Variants in NXPH1 observed in about 807,000 individuals in gnomAD.
NXPH1 encodes the protein neurexophilin 1, also known as neurexophilin-1.
NXPH1 carries 5 observed loss-of-function variants against 23.7 expected under a neutral mutation model. The ratio of observed to expected loss-of-function variants is 0.21; its 90% CI spans 0.11 to 0.44. The LOEUF is 0.44. Ranked by LOEUF, NXPH1 falls within the 20% of genes least tolerant of loss-of-function variation. NXPH1 has a pLI of 0.99. For missense variants in NXPH1, 324 were observed against 321.6 expected, an observed-to-expected ratio of 1.01 and a Z score of -0.06; for synonymous variants, 144 against 122.2, an observed-to-expected ratio of 1.18 and a Z score of -1.18.
chr7:8,662,572 T>C (rs1236396843), intron 2 of NXPH1, among the ~76,000 whole-genome samples: 2 of 152,110 alleles, frequency 1.3e-5, no homozygotes, highest in Non-Finnish European at 1.5e-5. Context: ...TTTTTAAATT[T>C]GTGAATGAAG....
chr7:8,678,166 T>C (rs1820982441), intron 2 of NXPH1, among the ~76,000 whole-genome samples: 1 of 152,162 alleles, frequency 6.6e-6, no homozygotes, highest in South Asian at 2.1e-4. Flanking sequence ...CCTAAGTGTT[T>C]TAGGTCGCTA....
chr7:8,606,664 T>C (rs1819499835), intron 2 of NXPH1, among the ~76,000 whole-genome samples: 1 of 152,164 alleles, frequency 6.6e-6, no homozygotes, highest in Non-Finnish European at 1.5e-5. Flanking sequence ...CTCTGCCTTT[T>C]CAAAAGCTTG....
chr7:8,746,012 C>A (rs796548678), intron 2 of NXPH1, among the ~76,000 whole-genome samples: 1 of 152,164 alleles, frequency 6.6e-6, no homozygotes, highest in South Asian at 2.1e-4. Flanking sequence ...TGGAATGTTA[C>A]ACATAGTGCT....
chr7:8,438,536 C>A (rs989723397), intron 2 of NXPH1, among the ~76,000 whole-genome samples: 1 of 152,240 alleles, frequency 6.6e-6, no homozygotes, highest in South Asian at 2.1e-4. Flanking sequence ...TAGCTGATAT[C>A]TCAGTGCACC....
intron 2 of NXPH1, among the ~76,000 whole-genome samples, chr7:8,578,867 AT>A (rs1291025895): frequency 2.0e-5 from 3 of 152,216 alleles, no homozygotes; most frequent in Non-Finnish European, 2.9e-5. Flanking sequence ...GAGTTATCAA[AT>A]GGAAGAAGTG....
chr7:8,731,791 T>C (rs1780159004), intron 2 of NXPH1, among the ~76,000 whole-genome samples: 1 of 152,186 alleles, frequency 6.6e-6, no homozygotes, highest in Non-Finnish European at 1.5e-5. Flanking sequence ...CTGCTGTCTT[T>C]TTGTTTGTCT....
At chr7:8,682,924 C>T (rs1821080630) in intron 2 of NXPH1, among the ~76,000 whole-genome samples, 1 of 152,200 alleles carries the variant, frequency 6.6e-6, no homozygotes, top group Non-Finnish European at 1.5e-5. Context: ...ACAAAGAGCC[C>T]TTGATTTCAA....
chr7:8,460,130 A>T (rs1816668331), intron 2 of NXPH1, among the ~76,000 whole-genome samples: 1 of 152,172 alleles, frequency 6.6e-6, no homozygotes, highest in African/African-American at 2.4e-5. Context: ...TGTAAGGATG[A>T]TATAAATATA....
At chr7:8,681,808 C>A (rs1821053812) in intron 2 of NXPH1, among the ~76,000 whole-genome samples, 1 of 152,214 alleles carries the variant, frequency 6.6e-6, no homozygotes, top group Admixed American at 6.5e-5. Context: ...AGACATTGGC[C>A]TATCTGGCCT....
intron 2 of NXPH1, among the ~76,000 whole-genome samples, chr7:8,463,196 C>T (rs1183229299): frequency 6.6e-6 from 1 of 152,088 alleles, no homozygotes; most frequent in Non-Finnish European, 1.5e-5. Flanking sequence ...CATACTGCTC[C>T]TTTAAAACAC....
intron 2 of NXPH1, among the ~76,000 whole-genome samples, chr7:8,595,192 T>TATAA (rs145588981): frequency 0.027 from 4,033 of 151,500 alleles, 190 homozygotes; most frequent in African/African-American, 0.092. Flanking sequence ...CTTCTGCCAG[T>TATAA]ATAAATAAAT....
intron 2 of NXPH1, among the ~76,000 whole-genome samples, chr7:8,747,294 C>T (rs1780487286): frequency 1.3e-5 from 2 of 152,302 alleles, no homozygotes; most frequent in South Asian, 2.1e-4. Flanking sequence ...TAGAACTAAA[C>T]AATTTTTATT....
intron 2 of NXPH1, among the ~76,000 whole-genome samples, chr7:8,493,460 T>C (rs1271344951): frequency 6.6e-6 from 1 of 152,064 alleles, no homozygotes; most frequent in Non-Finnish European, 1.5e-5. Flanking sequence ...TCTCATACTT[T>C]GCTGGAACAT....
chr7:8,437,646 T>C (rs557239827), intron 2 of NXPH1, among the ~76,000 whole-genome samples: 1 of 152,354 alleles, frequency 6.6e-6, no homozygotes, highest in African/African-American at 2.4e-5. Context: ...TTAAATGTGT[T>C]TGTTGGCAGT....
chr7:8,515,172 A>C (rs1649055261), intron 2 of NXPH1, among the ~76,000 whole-genome samples: 1 of 152,168 alleles, frequency 6.6e-6, no homozygotes, highest in African/African-American at 2.4e-5. Flanking sequence ...AGCTGGGCTG[A>C]AAATGTTTCC....
At chr7:8,665,453 C>T (rs1046282353) in intron 2 of NXPH1, among the ~76,000 whole-genome samples, 1 of 151,856 alleles carries the variant, frequency 6.6e-6, no homozygotes, top group African/African-American at 2.4e-5. Context: ...TAGTGTGATG[C>T]CTTTAGCTTT....
chr7:8,436,457 A>G (rs1415447266), intron 2 of NXPH1, among the ~76,000 whole-genome samples: 1 of 152,168 alleles, frequency 6.6e-6, no homozygotes, highest in Non-Finnish European at 1.5e-5. Flanking sequence ...AGAGAATTCT[A>G]AACAAAGCCG....
intron 2 of NXPH1, among the ~76,000 whole-genome samples, chr7:8,513,596 G>T (rs1476401423): frequency 1.3e-5 from 2 of 152,058 alleles, no homozygotes; most frequent in Non-Finnish European, 2.9e-5. Flanking sequence ...GGCAGGTAAG[G>T]GATTGTATAC....
chr7:8,593,830 C>T (rs1163261016), intron 2 of NXPH1, among the ~76,000 whole-genome samples: 2 of 152,006 alleles, frequency 1.3e-5, no homozygotes, highest in Non-Finnish European at 2.9e-5. Flanking sequence ...TTATAACAGA[C>T]ATTTTCCATA....
Sources: gnomAD v4.1 joint callset for allele counts (sites outside exome capture counted in the v4.1 genomes callset) on GRCh38, gnomAD v4.1.1 for gene constraint, MANE v1.5 for transcripts, NCBI Gene and HGNC (gene_info 2026-07-23, HGNC 2026-07-21) for gene names.